Variants in URB1 observed in about 807,000 individuals in gnomAD.
URB1 encodes the protein URB1 ribosome biogenesis factor.
URB1 carries 197 observed loss-of-function variants against 242.3 expected under a neutral mutation model. The observed-to-expected ratio is 0.81, with a 90% CI of 0.72 to 0.91. The LOEUF is 0.91. URB1 is among the 40% of genes least tolerant of loss of function. The probability of loss-of-function intolerance (pLI) is 0.00; values close to 1 mark genes in which losing one functional copy is unlikely to be tolerated. For synonymous variants in URB1, 1,153 were observed against 1,201.8 expected (o/e 0.96, Z 0.84); for missense variants, 2,721 against 2,860.5 (o/e 0.95, Z 1.11).
chr21:32,384,930 G>A (rs988542153), intron 2 of URB1, among the ~76,000 whole-genome samples: 2 of 152,084 alleles, frequency 1.3e-5, no homozygotes, highest in African/African-American at 2.4e-5. Flanking sequence ...GCAGTGAGCC[G>A]AGACTGCGCC....
intron 9 of URB1, 144 bp from the exon 10 acceptor site, chr21:32,366,899 G>T: frequency 1.1e-6 from 1 of 901,998 alleles, no homozygotes. Flanking sequence ...CAGAGTGGAA[G>T]ATTAACCCTC....
intron 16 of URB1, among the ~76,000 whole-genome samples, 169 bp from the exon 17 acceptor site, chr21:32,355,166 A>T (rs1347240168): frequency 6.6e-6 from 1 of 152,236 alleles, no homozygotes; most frequent in Non-Finnish European, 1.5e-5. Flanking sequence ...GAGTTAAAAA[A>T]AAATCTCCTT....
intron 4 of URB1, among the ~76,000 whole-genome samples, chr21:32,381,717 A>C (rs1367959133): frequency 6.6e-6 from 1 of 152,228 alleles, no homozygotes; most frequent in Non-Finnish European, 1.5e-5. Flanking sequence ...TCTGTTCTTT[A>C]AAAGGTCTTT....
rs766341070 is a variant in URB1 at position 32,314,941 on chromosome 21, CGGCGTCCTTGCAGAGCACCACGAT to C, written c.6769_6792del (p.Ile2257_Ala2264del). On this transcript the variant is annotated inframe_deletion, in exon 39 of 39. Transcript: ENST00000382751. ...AGTCAAGCATCTGAGGCTGCGCTGG[CGGCGTCCTTGCAGAGCACCACGAT>C]GGCCTCCTCTTCACTGCTCGGGGCA... The C allele has an allele frequency of 6.4e-7, 1 of 1,551,188 alleles. No individual in the cohort carries two copies.
chr21:32,320,518 A>T lies in URB1; in HGVS notation c.5594+13T>A. ...CCCACCTGACGCGCACCTCGCATGCAAAAGGTACTTACTTGCTTTCAAGGA... is the reference window on the plus strand; with the variant it reads ...CCCACCTGACGCGCACCTCGCATGCTAAAGGTACTTACTTGCTTTCAAGGA... On this transcript the variant is annotated intron_variant, in intron 35 of 38. Transcript: ENST00000382751. 6.5e-7 allele frequency: 1 copy of T among 1,536,160 alleles called. No individual in the cohort carries two copies. Among genetic ancestry groups the T allele is most frequent in the Non-Finnish European group, 8.8e-7 (1 of 1,133,594 alleles).
rs1172808342 is a variant in URB1, at chr21:32,347,764, C to T, written c.3060G>A (p.Glu1020=). Residue 1020 remains glutamate (E), a synonymous_variant, in exon 22 of 39, where the codon GAG becomes GAA. Coordinates refer to ENST00000382751, the MANE Select transcript of URB1 (RefSeq NM_014825.3). ...GCTGCTCCAGGGCCAGGAACCAGCCCTCCAGGGTGGGGTGCCTGAGGATGG... is the reference window on the plus strand; with the variant it reads ...GCTGCTCCAGGGCCAGGAACCAGCCTTCCAGGGTGGGGTGCCTGAGGATGG... ...LVAILRHPTL[E]GWFLALEQQA... 1.4e-5 allele frequency: 22 copies of T among 1,548,608 alleles called. No homozygotes were observed. Among genetic ancestry groups the T allele is most frequent in the Non-Finnish European group, 1.9e-5 (22 of 1,146,932 alleles).
intron 21 of URB1, 26 bp from the exon 22 acceptor site, chr21:32,347,837 C>CGTCA: frequency 6.6e-7 from 1 of 1,523,970 alleles, no homozygotes; most frequent in Non-Finnish European, 8.8e-7. Context: ...GAGGCACAGA[C>CGTCA]GTCACATAGA....
intron 15 of URB1, among the ~76,000 whole-genome samples, chr21:32,357,309 C>T (rs998805167): frequency 7.0e-6 from 1 of 142,950 alleles, no homozygotes; most frequent in South Asian, 2.2e-4. Context: ...TAGAAATGAC[C>T]TACCTAAAAA....
At chr21:32,339,374 C>T (rs2033001234) in intron 25 of URB1, among the ~76,000 whole-genome samples, 1 of 152,190 alleles carries the variant, frequency 6.6e-6, no homozygotes, top group African/African-American at 2.4e-5. Context: ...TACCCACCAT[C>T]CAGGCTCTAC....
intron 10 of URB1, among the ~76,000 whole-genome samples, chr21:32,365,771 C>T (rs1405233966): frequency 6.6e-6 from 1 of 152,168 alleles, no homozygotes; most frequent in African/African-American, 2.4e-5. Flanking sequence ...CAGGAGTCCA[C>T]CCCACTTTAC....
intron 28 of URB1, among the ~76,000 whole-genome samples, chr21:32,334,882 T>A (rs909717228): frequency 1.3e-5 from 2 of 152,166 alleles, no homozygotes; most frequent in Admixed American, 1.3e-4. Flanking sequence ...ACCATGTGTG[T>A]GCTATGGACA....
chr21:32,363,226 T>C lies in URB1; in HGVS notation c.1439A>G (p.Gln480Arg). 6.4e-7 allele frequency: 1 copy of C among 1,552,158 alleles called. No homozygotes were observed. The highest frequency in any genetic ancestry group is 8.7e-7 in the Non-Finnish European group (1 of 1,147,094). ...CACAGCTGTGTACACGCCTGATTCC[T>C]GCCACACCTCTTTATTCAGGCAGTG... ...VDHCLNKEVW[Q>R]ESGVYTAVMM... is the part of the protein sequence containing the mutation. The change falls in exon 11 of 39, where the codon CAG (glutamine) becomes CGG (arginine). Residue 480 changes from glutamine (Q) to arginine (R), a missense_variant. Coordinates refer to ENST00000382751, the MANE Select transcript of URB1 (RefSeq NM_014825.3).
At chr21:32,319,984 T>C (rs2032744837) in intron 35 of URB1, among the ~76,000 whole-genome samples, 1 of 152,184 alleles carries the variant, frequency 6.6e-6, no homozygotes, top group African/African-American at 2.4e-5. Flanking sequence ...AGGGTCTTCA[T>C]CTTTTCAGAC....
rs1568827622 is a variant in URB1, at chr21:32,368,393, G to GC, written c.1197+9_1197+10insG. 1 of 1,527,900 alleles carries GC rather than the reference G, an allele frequency of 6.5e-7. No individual in the cohort carries two copies. Among genetic ancestry groups the GC allele is most frequent in the Admixed American group, 2.1e-5 (1 of 48,172 alleles). The allele number at this position is 1,527,900 out of a possible 1,614,324, so 94.6% of individuals were successfully genotyped here. ...TAGCTAACAGACTTTTAAATATCAT[G>GC]TTTTTTTACCTTGTTTAGTAGTTTG... On this transcript the variant is annotated intron_variant, in intron 9 of 38. Coordinates refer to ENST00000382751, the MANE Select transcript of URB1 (RefSeq NM_014825.3).
chr21:32,321,812 C>T lies in URB1; in HGVS notation c.5473G>A (p.Glu1825Lys), dbSNP rs988626602. ...CGGAACCCATGTACCTGTGCTGCCT[C>T]GTCACACAGCGGGCTGTGGAAGAAG... is the stretch of plus-strand genomic sequence containing the variant. ...LSFFHSPLCD[E>K]AAQNWILEIL... Residue 1825 changes from glutamate to lysine, a missense_variant, in exon 34 of 39, where the codon GAG becomes AAG. Glu to Lys is a moderately conservative substitution (Grantham distance 56). Coordinates refer to ENST00000382751, the MANE Select transcript of URB1 (RefSeq NM_014825.3). 9.0e-6 allele frequency: 14 copies of T among 1,551,580 alleles called. No homozygotes were observed. Among genetic ancestry groups the T allele is most frequent in the Admixed American group, 5.9e-5 (3 of 50,980 alleles).
intron 1 of URB1, among the ~76,000 whole-genome samples, chr21:32,386,753 C>T (rs556752893): frequency 5.9e-5 from 9 of 152,338 alleles, no homozygotes; most frequent in African/African-American, 2.2e-4. Flanking sequence ...CTAATTCTCA[C>T]TGCAACCCTC....
chr21:32,315,015 C>T lies in URB1; in HGVS notation c.6719G>A (p.Arg2240Gln), dbSNP rs968698099. 5.8e-6 allele frequency: 9 copies of T among 1,551,672 alleles called. No homozygotes were observed. The highest frequency in any genetic ancestry group is 2.4e-5 in the East Asian group (1 of 40,926). ...ATCATCTGCGGCCTCACACACCATC[C>T]GGACGTGGGTTAAGAGGGTGTCCGG... ...QRPDTLLTHV[R>Q]MVCEAADDAP... The change falls in exon 39 of 39, where the codon CGG (arginine) becomes CAG (glutamine). Residue 2240 changes from arginine to glutamine, a missense_variant. Physicochemically the swap from Arg to Gln is conservative, Grantham distance 43 (BLOSUM62 1). Transcript: ENST00000382751.
In URB1 at chr21:32,314,375, G is replaced by A. The variant is rs2032644394; in HGVS notation, c.*543C>T. 3 of 566,606 alleles carry A rather than the reference G, an allele frequency of 5.3e-6. No individual in the cohort carries two copies. Among genetic ancestry groups the A allele is most frequent in the Non-Finnish European group, 9.8e-6 (3 of 305,516 alleles). The allele number at this position is 566,606 out of a possible 1,614,324, so 35.1% of individuals were successfully genotyped here. A position where few individuals can be genotyped will look rare whatever the true frequency, so the allele number is the denominator to read the frequency against. ...AATTTTTGTATTTTTAGTAGAGATG[G>A]GGTTTCACCATGTTGGGAAGGCTGG... On this transcript the variant is annotated 3_prime_UTR_variant, in exon 39 of 39. Coordinates refer to ENST00000382751, the MANE Select transcript of URB1 (RefSeq NM_014825.3).
chr21:32,362,852 G>A lies in URB1; in HGVS notation c.1509+304C>T, dbSNP rs16989326. Among the ~76,000 whole-genome samples the A allele has an allele frequency of 3.7e-3, 558 of 152,236 alleles. 6 individuals are homozygous for A. Among genetic ancestry groups the A allele is most frequent in the Middle Eastern group, 0.01 (3 of 294 alleles). On this transcript the variant is annotated intron_variant, in intron 11 of 38. Transcript: ENST00000382751. ...ATCTACCCCTCGACAACATCACCAC[G>A]GCTCCTGATTGAACATGAGGTCCCC... is the stretch of plus-strand genomic sequence containing the variant.
Sources: gnomAD v4.1 joint callset for allele counts (sites outside exome capture counted in the v4.1 genomes callset) on GRCh38, gnomAD v4.1.1 for gene constraint, MANE v1.5 for transcripts, NCBI Gene and HGNC (gene_info 2026-07-23, HGNC 2026-07-21) for gene names.